CD93: variants seen among roughly 807,000 people sequenced by gnomAD.
CD93 encodes the protein CD93 molecule, also known as complement component C1q receptor.
In CD93, 44 loss-of-function variants were observed where a neutral mutation model predicts 45.5. The ratio of observed to expected loss-of-function variants is 0.97; its 90% confidence interval spans 0.76 to 1.24. The LOEUF is 1.24. CD93 is among the 50% of genes most tolerant of loss of function. The probability of loss-of-function intolerance (pLI) is 0.00; values close to 1 mark genes in which losing one functional copy is unlikely to be tolerated. For missense variants in CD93, 918 were observed against 844.5 expected (o/e 1.09, Z -1.08); for synonymous variants, 431 against 370.8 (o/e 1.16, Z -1.87).
chr20:23,086,058 G>C lies in CD93; in HGVS notation c.135C>G (p.Ser45Arg), dbSNP rs1275013016. ...TGCAGTGGTTCTGGGCCTCGGCAGC[G>C]CTCAGCTTGCCCGAGTGGGCCGTGT... is the stretch of plus-strand genomic sequence containing the variant. Reference protein sequence around the residue: ...ACYTAHSGKLSAAEAQNHCNQ... With the variant: ...ACYTAHSGKLRAAEAQNHCNQ... Residue 45 changes from serine to arginine, a missense_variant, in exon 1 of 2, where the codon AGC becomes AGG. Coordinates refer to ENST00000246006, the MANE Select transcript of CD93 (RefSeq NM_012072.4). 1 of 1,605,362 alleles carries C rather than the reference G, an allele frequency of 6.2e-7. No homozygotes were observed. Among genetic ancestry groups the C allele is most frequent in the Non-Finnish European group, 8.5e-7 (1 of 1,179,292 alleles).
rs1319357412 is a variant in CD93, at chr20:23,085,603, C to A, written c.590G>T (p.Gly197Val). The A allele has an allele frequency of 6.2e-7, 1 of 1,613,324 alleles. No homozygotes were observed. The highest frequency in any genetic ancestry group is 1.3e-5 in the African/African-American group (1 of 74,850). Residue 197 changes from glycine to valine, a missense_variant, in exon 1 of 2, where the codon GGT (glycine) becomes GTT (valine). Transcript: ENST00000246006. ...GAAGGGGGTGGTGTAGGTCACCTGACCTGGGCCCCCCAGGGCCAGAGGCCG... is the reference window on the plus strand; with the variant it reads ...GAAGGGGGTGGTGTAGGTCACCTGAACTGGGCCCCCCAGGGCCAGAGGCCG... ...MCRPLALGGPGQVTYTTPFQT... is the reference protein window; with the variant it reads ...MCRPLALGGPVQVTYTTPFQT...
Position 23,085,250 on chromosome 20 carries a change from C to T in CD93, c.943G>A (p.Ala315Thr), listed in dbSNP as rs778729101. ...PCSSSPCRGG[A>T]TCVLGPHGKN... ...CCATGGGGTCCCAGGACGCACGTGG[C>T]CCCCCCACGACATGGGCTGGAGCTG... The change falls in exon 1 of 2, where the codon GCC (alanine) becomes ACC (threonine). Residue 315 changes from alanine (A) to threonine (T), a missense_variant. By Grantham distance (58) the Ala-to-Thr change is moderately conservative (BLOSUM62 0). Transcript: ENST00000246006. The T allele has an allele frequency of 7.4e-6, 12 of 1,611,198 alleles. 1 individual carries two copies. In the Middle Eastern group the frequency reaches 5.0e-4, roughly 66 times the overall value.
In CD93 at chr20:23,084,869, A is replaced by G. The variant is rs777378811; in HGVS notation, c.1324T>C (p.Leu442=). ...AAGGACCCTTGTGTGTTGAAGCACA[A>G]GCTGTCGCAGAGGGGGCCCCCCGGG... The part of the protein sequence containing the change: ...VGPGGPLCDS[L]CFNTQGSFHC... Residue 442 remains leucine, a synonymous_variant, in exon 1 of 2, where the codon TTG becomes CTG. Transcript: ENST00000246006. 2.5e-6 allele frequency: 4 copies of G among 1,613,168 alleles called. No homozygotes were observed. Among genetic ancestry groups the G allele is most frequent in the Non-Finnish European group, 3.4e-6 (4 of 1,179,880 alleles).
At position 23,084,632 on chromosome 20, in the gene CD93, G is replaced by A; in HGVS notation, c.1561C>T (p.Leu521=). 6.2e-7 allele frequency: 1 copy of A among 1,604,140 alleles called. No homozygotes were observed. The highest frequency in any genetic ancestry group is 8.5e-7 in the Non-Finnish European group (1 of 1,174,720). The change falls in exon 1 of 2, where the codon CTG becomes TTG. Residue 521 remains leucine, a synonymous_variant. Transcript: ENST00000246006. The part of the protein sequence containing the change: ...KATPTTSRPS[L]SSDAPITSAP... ...GATGTGATGGGGGCGTCAGATGACA[G>A]CGAAGGTCTACTTGTGGTGGGTGTA...
At position 23,085,608 on chromosome 20, in the gene CD93, G is replaced by GC. The variant is rs1985471920; in HGVS notation, c.584dup (p.Gly197ArgfsTer33). ...GGGTGGTGTAGGTCACCTGACCTGG[G>GC]CCCCCCAGGGCCAGAGGCCGGCACA... is the stretch of plus-strand genomic sequence containing the variant. On this transcript the variant is annotated frameshift_variant, in exon 1 of 2. Transcript: ENST00000246006. LOFTEE classifies it high-confidence loss of function. The GC allele has an allele frequency of 1.2e-6, 2 of 1,613,312 alleles. No homozygotes were observed. Among genetic ancestry groups the GC allele is most frequent in the Non-Finnish European group, 1.7e-6 (2 of 1,179,918 alleles).
In CD93 at chr20:23,083,751, A is replaced by G; in HGVS notation, c.*199T>C. On this transcript the variant is annotated 3_prime_UTR_variant, in exon 2 of 2. Transcript: ENST00000246006. ...TCCCCACCGTGGCACGCCAACACACAGCTTCCACTTCAGGAACATCAAACA... is the reference window on the plus strand; with the variant it reads ...TCCCCACCGTGGCACGCCAACACACGGCTTCCACTTCAGGAACATCAAACA... 1.6e-6 allele frequency: 1 copy of G among 623,050 alleles called. No homozygotes were observed. Among genetic ancestry groups the G allele is most frequent in the Non-Finnish European group, 2.9e-6 (1 of 341,750 alleles). The allele number at this position is 623,050 out of a possible 1,614,324, so 38.6% of individuals were successfully genotyped here.
chr20:23,083,632 C>A lies in CD93; in HGVS notation c.*318G>T. ...AGCAGAGAAGATATTCAGGGGAGCC[C>A]CTTAGCCCCGGCCTCCTCACACCCT... is the stretch of plus-strand genomic sequence containing the variant. On this transcript the variant is annotated 3_prime_UTR_variant, in exon 2 of 2. Coordinates refer to ENST00000246006, the MANE Select transcript of CD93 (RefSeq NM_012072.4). The A allele has an allele frequency of 4.5e-6, 2 of 448,582 alleles. No individual in the cohort carries two copies. Among genetic ancestry groups the A allele is most frequent in the Non-Finnish European group, 8.1e-6 (2 of 246,694 alleles). The allele number at this position is 448,582 out of a possible 1,614,324, so 27.8% of individuals were successfully genotyped here.
rs1985494687 is a variant in CD93, at chr20:23,086,146, G to A, written c.47C>T (p.Thr16Ile). The change falls in exon 1 of 2, where the codon ACC becomes ATC. Residue 16 changes from threonine to isoleucine, a missense_variant. Coordinates refer to ENST00000246006, the MANE Select transcript of CD93 (RefSeq NM_012072.4). ...GLLLLLLLLL[T>I]QPGAGTGADT... Reference sequence around the variant, plus strand: ...AGCTCCCGTCCCCGCCCCGGGCTGGGTCAGGAGCAGCAGCAGCAGCAGCAG... The same window carrying A: ...AGCTCCCGTCCCCGCCCCGGGCTGGATCAGGAGCAGCAGCAGCAGCAGCAG... 1 of 1,574,672 alleles carries A rather than the reference G, an allele frequency of 6.4e-7. No homozygotes were observed. The highest frequency in any genetic ancestry group is 1.1e-5 in the South Asian group (1 of 87,900).
In CD93 at chr20:23,081,897, C is replaced by T. The variant is rs1417168515; in HGVS notation, c.*2053G>A. On this transcript the variant is annotated 3_prime_UTR_variant, in exon 2 of 2. Transcript: ENST00000246006. Reference sequence around the variant, plus strand: ...TCAAGGCCCAGAGGGAGAAATGTTGCATTTGCATTTATTTAAGTGCTGATG... The same window carrying T: ...TCAAGGCCCAGAGGGAGAAATGTTGTATTTGCATTTATTTAAGTGCTGATG... 1 of 152,210 alleles carries T rather than the reference C, an allele frequency of 6.6e-6. No homozygotes were observed. The highest frequency in any genetic ancestry group is 1.5e-5 in the Non-Finnish European group (1 of 68,054). 9.4% of individuals were successfully genotyped at this position (152,210 alleles called of 1,614,324 possible).
Position 23,084,372 on chromosome 20 carries a change from G to A in CD93, c.1821C>T (p.Arg607=), listed in dbSNP as rs745931955. ...TCTCCTCCCTCTTCGCTCTCCGCTT[G>A]CGATAGACCAGTAGCCCCAGAGCCA... ...LALALGLLVY[R]KRRAKREEKK... Residue 607 remains arginine (R), a synonymous_variant, in exon 1 of 2, where the codon CGC becomes CGT. Coordinates refer to ENST00000246006, the MANE Select transcript of CD93 (RefSeq NM_012072.4). The A allele has an allele frequency of 4.8e-5, 78 of 1,614,090 alleles. No individual in the cohort carries two copies. In the Admixed American group the frequency reaches 5.3e-4, roughly 11 times the overall value.
chr20:23,084,644 T>G lies in CD93; in HGVS notation c.1549A>C (p.Ser517Arg). ...GCGTCAGATGACAGCGAAGGTCTAC[T>G]TGTGGTGGGTGTAGCCTTGGGGGTG... ...EGTPKATPTT[S>R]RPSLSSDAPI... Residue 517 changes from serine to arginine, a missense_variant, in exon 1 of 2, where the codon AGT becomes CGT. Transcript: ENST00000246006. The G allele has an allele frequency of 6.3e-7, 1 of 1,599,384 alleles. No individual in the cohort carries two copies. The highest frequency in any genetic ancestry group is 8.5e-7 in the Non-Finnish European group (1 of 1,172,442).
Position 23,084,800 on chromosome 20 carries a change from C to A in CD93, c.1393G>T (p.Val465Phe). 1 of 1,613,220 alleles carries A rather than the reference C, an allele frequency of 6.2e-7. No individual in the cohort carries two copies. The highest frequency in any genetic ancestry group is 2.2e-5 in the East Asian group (1 of 44,862). Residue 465 changes from valine to phenylalanine, a missense_variant, in exon 1 of 2, where the codon GTC (valine) becomes TTC (phenylalanine). Val to Phe is a conservative substitution (Grantham distance 50, BLOSUM62 -1). Coordinates refer to ENST00000246006, the MANE Select transcript of CD93 (RefSeq NM_012072.4). ...LPGWVLAPNG[V>F]SCTMGPVSLG... ...GACACAGGCCCCATGGTGCAAGAGACCCCATTTGGGGCCAGCACCCAGCCT... is the reference window on the plus strand; with the variant it reads ...GACACAGGCCCCATGGTGCAAGAGAACCCATTTGGGGCCAGCACCCAGCCT...
Position 23,085,614 on chromosome 20 carries a change from C to G in CD93, c.579G>C (p.Leu193=). The stretch of plus-strand genomic sequence containing the variant: ...TGTAGGTCACCTGACCTGGGCCCCC[C>G]AGGGCCAGAGGCCGGCACATGCCTT... ...SFKGMCRPLA[L]GGPGQVTYTT... is the part of the protein sequence containing the mutation. The change falls in exon 1 of 2, where the codon CTG becomes CTC. Residue 193 remains leucine (L), a synonymous_variant. Transcript: ENST00000246006. 6.2e-7 allele frequency: 1 copy of G among 1,613,372 alleles called. No homozygotes were observed. The highest frequency in any genetic ancestry group is 8.5e-7 in the Non-Finnish European group (1 of 1,179,920).
At position 23,084,772 on chromosome 20, in the gene CD93, A is replaced by T; in HGVS notation, c.1421T>A (p.Leu474Gln). Residue 474 changes from leucine to glutamine, a missense_variant, in exon 1 of 2, where the codon CTG becomes CAG. Coordinates refer to ENST00000246006, the MANE Select transcript of CD93 (RefSeq NM_012072.4). ...ATCGGGGGGCCCAGATGGTGGTCCC[A>T]GAGACACAGGCCCCATGGTGCAAGA... ...GVSCTMGPVSLGPPSGPPDEE... is the reference protein window; with the variant it reads ...GVSCTMGPVSQGPPSGPPDEE... 1 of 1,612,534 alleles carries T rather than the reference A, an allele frequency of 6.2e-7. No homozygotes were observed. Among genetic ancestry groups the T allele is most frequent in the Non-Finnish European group, 8.5e-7 (1 of 1,179,726 alleles).
chr20:23,083,700 G>A lies in CD93; in HGVS notation c.*250C>T. 1.8e-6 allele frequency: 1 copy of A among 569,708 alleles called. No homozygotes were observed. Among genetic ancestry groups the A allele is most frequent in the Non-Finnish European group, 3.1e-6 (1 of 318,364 alleles). 35.3% of individuals were successfully genotyped at this position (569,708 alleles called of 1,614,324 possible). ...ATTGGAATTTGAAAAGGGAGGGGGAGTAACAATCATTATAGAGTCACGAAA... is the reference window on the plus strand; with the variant it reads ...ATTGGAATTTGAAAAGGGAGGGGGAATAACAATCATTATAGAGTCACGAAA... On this transcript the variant is annotated 3_prime_UTR_variant, in exon 2 of 2. Transcript: ENST00000246006.
rs781141855 is a variant in CD93 at position 23,084,683 on chromosome 20, T to C, written c.1510A>G (p.Arg504Gly). ...GCCTTGGGGGTGCCCTCGGGGCCCCTTGTGGGACTGGCTGTTGCAGCACGG... is the reference window on the plus strand; with the variant it reads ...GCCTTGGGGGTGCCCTCGGGGCCCCCTGTGGGACTGGCTGTTGCAGCACGG... ...VPRAATASPT[R>G]GPEGTPKATP... The change falls in exon 1 of 2, where the codon AGG (arginine) becomes GGG (glycine). Residue 504 changes from arginine (R) to glycine (G), a missense_variant. Physicochemically the swap from Arg to Gly is moderately radical, Grantham distance 125. Coordinates refer to ENST00000246006, the MANE Select transcript of CD93 (RefSeq NM_012072.4). 9.1e-5 allele frequency: 144 copies of C among 1,585,270 alleles called. No homozygotes were observed. The highest frequency in any genetic ancestry group is 2.2e-5 in the Non-Finnish European group (26 of 1,166,604).
In CD93 at chr20:23,085,726, C is replaced by G; in HGVS notation, c.467G>C (p.Arg156Pro). Residue 156 changes from arginine (R) to proline (P), a missense_variant, in exon 1 of 2, where the codon CGC becomes CCC. Coordinates refer to ENST00000246006, the MANE Select transcript of CD93 (RefSeq NM_012072.4). ...LDLSQPLLPS[R>P]LPKWSEGPCG... The stretch of plus-strand genomic sequence containing the variant: ...GGGGCCCTCAGACCACTTGGGGAGG[C>G]GGCTGGGAAGGAGCGGCTGGGACAG... The G allele has an allele frequency of 6.2e-7, 1 of 1,611,050 alleles. No homozygotes were observed. Among genetic ancestry groups the G allele is most frequent in the East Asian group, 2.2e-5 (1 of 44,858 alleles).
chr20:23,082,790 T>C lies in CD93; in HGVS notation c.*1160A>G, dbSNP rs1985359469. ...GAGAACAAAAGTTCCTTAAGCAAACTGCCTGACTAGCTCCCTACTTGGTGT... is the reference window on the plus strand; with the variant it reads ...GAGAACAAAAGTTCCTTAAGCAAACCGCCTGACTAGCTCCCTACTTGGTGT... On this transcript the variant is annotated 3_prime_UTR_variant, in exon 2 of 2. Transcript: ENST00000246006. 1 of 152,586 alleles carries C rather than the reference T, an allele frequency of 6.6e-6. No individual in the cohort carries two copies. The highest frequency in any genetic ancestry group is 2.1e-4 in the South Asian group (1 of 4,836). 9.5% of individuals were successfully genotyped at this position (152,586 alleles called of 1,614,324 possible).
chr20:23,084,749 CG>C lies in CD93; in HGVS notation c.1443del (p.Asp482MetfsTer106). 3 of 1,608,806 alleles carry C rather than the reference CG, an allele frequency of 1.9e-6. No homozygotes were observed. The highest frequency in any genetic ancestry group is 1.7e-6 in the Non-Finnish European group (2 of 1,178,076). On this transcript the variant is annotated frameshift_variant, in exon 1 of 2. Coordinates refer to ENST00000246006, the MANE Select transcript of CD93 (RefSeq NM_012072.4). LOFTEE classifies it high-confidence loss of function. ...TCTTTCTCTCCTTTGTCCTCCTCATCGGGGGGCCCAGATGGTGGTCCCAGAG... is the reference window on the plus strand; with the variant it reads ...TCTTTCTCTCCTTTGTCCTCCTCATCGGGGGCCCAGATGGTGGTCCCAGAG... ...PVSLGPPSGP[P>X]DEEDKGEKEG...
Sources: gnomAD v4.1 joint callset for allele counts on GRCh38, gnomAD v4.1.1 for gene constraint, MANE v1.5 for transcripts, NCBI Gene and HGNC (gene_info 2026-07-23, HGNC 2026-07-21) for gene names.